SNX27: variants seen among roughly 807,000 people sequenced by gnomAD.
The protein encoded by SNX27 is sorting nexin-27.
Under a neutral mutation model 71.6 loss-of-function variants are expected in SNX27, and 22 were observed. That is an observed-to-expected ratio of 0.31 (90% CI 0.22 to 0.44). The LOEUF is 0.44. SNX27 is among the 20% of genes least tolerant of loss of function. The pLI, the probability that SNX27 is intolerant of heterozygous loss-of-function variation, is 1.00. For missense variants in SNX27, 531 were observed against 698.6 expected, an observed-to-expected ratio of 0.76 and a Z score of 2.70; for synonymous variants, 269 against 277.2, an observed-to-expected ratio of 0.97 and a Z score of 0.29.
At chr1:151,684,341 CA>C (rs1202435007) in intron 8 of SNX27, among the ~76,000 whole-genome samples, 3 of 152,118 alleles carry the variant, frequency 2.0e-5, no homozygotes, top group Non-Finnish European at 4.4e-5. Flanking sequence ...GCTAAGCAGC[CA>C]TATGTGCACA....
intron 3 of SNX27, 123 bp from the exon 4 acceptor site, chr1:151,660,675 A>G: frequency 1.4e-6 from 1 of 704,004 alleles, no homozygotes. Flanking sequence ...CTGCCTCATT[A>G]TTGCCTGCTA....
At chr1:151,633,738 CT>C (rs1243175100) in intron 1 of SNX27, among the ~76,000 whole-genome samples, 1 of 152,246 alleles carries the variant, frequency 6.6e-6, no homozygotes, top group Non-Finnish European at 1.5e-5. Context: ...TTCTGTCTCA[CT>C]TTCCTCCCGC....
intron 2 of SNX27, among the ~76,000 whole-genome samples, chr1:151,641,263 A>G (rs1668706221): frequency 6.6e-6 from 1 of 152,196 alleles, no homozygotes; most frequent in Non-Finnish European, 1.5e-5. Context: ...GTTTAACTTT[A>G]TAAAAAACTG....
rs1231336525 is a variant in SNX27 at position 151,612,261 on chromosome 1, C to T, written c.60C>T (p.Gly20=). The change falls in exon 1 of 12, where the codon GGC becomes GGT. Residue 20 remains glycine, a synonymous_variant. Coordinates refer to ENST00000458013, the MANE Select transcript of SNX27 (RefSeq NM_001330723.2). The surrounding 1 kb of genome is among the most constrained non-coding windows in gnomAD (Gnocchi z 5.2). ...HPSAPHRNGG[G]GGGGGSGLHC... ...CAGCCCCTCACAGGAACGGAGGTGGCGGCGGCGGCGGGGGGTCTGGGCTCC... is the reference window on the plus strand; with the variant it reads ...CAGCCCCTCACAGGAACGGAGGTGGTGGCGGCGGCGGGGGGTCTGGGCTCC... 4.2e-6 allele frequency: 6 copies of T among 1,430,494 alleles called. No homozygotes were observed. The highest frequency in any genetic ancestry group is 3.1e-5 in the Admixed American group (1 of 32,052). 88.6% of individuals were successfully genotyped at this position (1,430,494 alleles called of 1,614,324 possible).
intron 1 of SNX27, among the ~76,000 whole-genome samples, chr1:151,628,860 CTT>C (rs1323812979): frequency 6.6e-6 from 1 of 152,104 alleles, no homozygotes; most frequent in Non-Finnish European, 1.5e-5. Context: ...TTTAATAGCT[CTT>C]TGTATATTTT....
chr1:151,612,300 CGGCGGCGGGGGA>C lies in SNX27; in HGVS notation c.108_119del (p.Gly37_Gly40del), dbSNP rs755267478. On this transcript the variant is annotated inframe_deletion, in exon 1 of 12. Transcript: ENST00000458013. This position sits in a 1 kb window ranked among gnomAD's most constrained non-coding sequence, Gnocchi z 5.2. ...GGTCTGGGCTCCACTGCGCCGGGAA[CGGCGGCGGGGGA>C]GGCGGCGGCCCGCGGGTCGTGCGCA... The C allele has an allele frequency of 2.6e-6, 4 of 1,517,810 alleles. No homozygotes were observed. The highest frequency in any genetic ancestry group is 3.5e-6 in the Non-Finnish European group (4 of 1,136,064). The allele number at this position is 1,517,810 out of a possible 1,614,324, so 94.0% of individuals were successfully genotyped here. A position where few individuals can be genotyped will look rare whatever the true frequency, so the allele number is the denominator to read the frequency against.
intron 5 of SNX27, 61 bp downstream of exon 5, chr1:151,662,331 A>T (rs1412500667): frequency 9.2e-7 from 1 of 1,086,470 alleles, no homozygotes; most frequent in Non-Finnish European, 1.4e-6. Context: ...AAGATAGATT[A>T]AATAAGTCAA....
rs74125850 is a variant in SNX27 at position 151,656,972 on chromosome 1, T to C, written c.544-1263T>C. On this transcript the variant is annotated intron_variant, in intron 2 of 11. Transcript: ENST00000458013. ...ATTATATATAAATGCAAAAAATATA[T>C]AAAAAGAAAAGCAAGGGAATCATGA... is the stretch of plus-strand genomic sequence containing the variant. Among the ~76,000 whole-genome samples the C allele has an allele frequency of 8.0e-3, 1,223 of 152,212 alleles. 13 individuals carry two copies. Among genetic ancestry groups the C allele is most frequent in the African/African-American group, 0.028 (1,165 of 41,534 alleles).
In SNX27 at chr1:151,612,229, C is replaced by T; in HGVS notation, c.28C>T (p.His10Tyr). The T allele has an allele frequency of 7.2e-7, 1 of 1,395,022 alleles. No individual in the cohort carries two copies. Among genetic ancestry groups the T allele is most frequent in the South Asian group, 1.6e-5 (1 of 63,356 alleles). The allele number at this position is 1,395,022 out of a possible 1,614,324, so 86.4% of individuals were successfully genotyped here. Residue 10 changes from histidine (H) to tyrosine (Y), a missense_variant, in exon 1 of 12, where the codon CAT (histidine) becomes TAT (tyrosine). This residue lies in a region of SNX27 where 130 missense variants were observed against 143.5 expected (regional missense o/e 0.91). Coordinates refer to ENST00000458013, the MANE Select transcript of SNX27 (RefSeq NM_001330723.2). The surrounding 1 kb of genome is among the most constrained non-coding windows in gnomAD (Gnocchi z 5.2). ...GGCGGACGAGGACGGGGAAGGGATTCATCCCTCAGCCCCTCACAGGAACGG... is the reference window on the plus strand; with the variant it reads ...GGCGGACGAGGACGGGGAAGGGATTTATCCCTCAGCCCCTCACAGGAACGG... MADEDGEGI[H>Y]PSAPHRNGGG... is the part of the protein sequence containing the mutation.
At chr1:151,688,631 C>CAAA (rs34779390) in intron 8 of SNX27, among the ~76,000 whole-genome samples, 14 of 116,834 alleles carry the variant, frequency 1.2e-4, no homozygotes, top group African/African-American at 3.2e-4. Flanking sequence ...GACTCTGTCT[C>CAAA]AAAAAAAAAA....
chr1:151,691,942 G>T (rs915114799), intron 8 of SNX27, among the ~76,000 whole-genome samples: 2 of 152,178 alleles, frequency 1.3e-5, no homozygotes, highest in African/African-American at 4.8e-5. Flanking sequence ...GCTCATGCCT[G>T]TAACCCTTGC....
At chr1:151,694,271 G>T in intron 11 of SNX27, 99 bp from the exon 12 acceptor site, 1 of 1,520,058 alleles carries the variant, frequency 6.6e-7, no homozygotes, top group South Asian at 1.2e-5. Flanking sequence ...CAATCAGATT[G>T]AGTCATCCAG....
At chr1:151,639,920 G>T (rs990233384) in intron 2 of SNX27, among the ~76,000 whole-genome samples, 1 of 152,144 alleles carries the variant, frequency 6.6e-6, no homozygotes, top group Non-Finnish European at 1.5e-5. Flanking sequence ...AATGCAGTGG[G>T]TTCTGTTAGA....
intron 4 of SNX27, 115 bp downstream of exon 4, chr1:151,660,977 T>G: frequency 1.3e-6 from 1 of 769,134 alleles, no homozygotes; most frequent in East Asian, 2.6e-5. Flanking sequence ...GGACTCCATT[T>G]TTTCTACTTC....
chr1:151,694,024 A>T (rs1337488850), intron 11 of SNX27: 9 of 1,213,546 alleles, frequency 7.4e-6, no homozygotes, highest in Non-Finnish European at 9.2e-6. Context: ...CAAGTCAAGA[A>T]CATGAAAATT....
intron 8 of SNX27, among the ~76,000 whole-genome samples, chr1:151,686,084 G>A (rs1393573123): frequency 2.0e-5 from 3 of 152,218 alleles, no homozygotes; most frequent in Non-Finnish European, 2.9e-5. Context: ...AACTTCTGCA[G>A]TAATCCTTTG....
chr1:151,680,620 G>A (rs537600745), intron 7 of SNX27, among the ~76,000 whole-genome samples: 2 of 152,212 alleles, frequency 1.3e-5, no homozygotes, highest in Admixed American at 6.5e-5. Context: ...AGTTCTAGGC[G>A]TTAGGGGTAA....
chr1:151,690,807 C>T (rs1048819403), intron 8 of SNX27, among the ~76,000 whole-genome samples: 2 of 152,068 alleles, frequency 1.3e-5, no homozygotes, highest in African/African-American at 4.8e-5. Context: ...TATTATTTCC[C>T]ATTTATGGAA....
chr1:151,672,860 G>T, intron 7 of SNX27, among the ~76,000 whole-genome samples: 1 of 149,396 alleles, frequency 6.7e-6, no homozygotes. Context: ...GATTTTATTT[G>T]GATCTTCTTT....
Sources: allele counts gnomAD v4.1 joint callset (sites outside exome capture counted in the v4.1 genomes callset), GRCh38; gene constraint gnomAD v4.1.1; regional missense constraint gnomAD v4.1.1; non-coding constraint Gnocchi (gnomAD v3.1); transcripts MANE v1.5; gene names NCBI Gene and HGNC (gene_info 2026-07-23, HGNC 2026-07-21).